CSMD3: variants seen among roughly 807,000 people sequenced by gnomAD.
The protein encoded by CSMD3 is CUB and Sushi multiple domains 3.
A neutral mutation model predicts 435.2 loss-of-function variants in CSMD3; 177 were observed. The ratio of observed to expected loss-of-function variants is 0.41; its 90% CI spans 0.36 to 0.46. CSMD3 has a LOEUF of 0.46. Ranked by LOEUF, CSMD3 falls within the 20% of genes least tolerant of loss-of-function variation. The probability of loss-of-function intolerance (pLI) is 0.34; values close to 1 mark genes in which losing one functional copy is unlikely to be tolerated. For synonymous variants in CSMD3, 1,656 were observed against 1,520.5 expected (o/e 1.09, Z -2.07); for missense variants, 4,265 against 4,504.6 (o/e 0.95, Z 1.52).
chr8:113,013,192 AT>A (rs2131138031), intron 6 of CSMD3, among the ~76,000 whole-genome samples: 1 of 152,192 alleles, frequency 6.6e-6, no homozygotes, highest in Admixed American at 6.6e-5. Context: ...AAACTAGCCT[AT>A]TTTAAAAATC....
chr8:112,420,941 C>T (rs1180493728), intron 32 of CSMD3, among the ~76,000 whole-genome samples: 2 of 152,162 alleles, frequency 1.3e-5, no homozygotes, highest in East Asian at 3.9e-4. Flanking sequence ...GCCTCCTACG[C>T]ACACTCTGCC....
intron 69 of CSMD3, 124 bp from the exon 70 acceptor site, chr8:112,229,015 A>T (rs2129845215): frequency 3.1e-6 from 2 of 644,160 alleles, no homozygotes; most frequent in East Asian, 5.5e-5. Context: ...AGTAAACAAA[A>T]ATAATTCATG....
intron 3 of CSMD3, among the ~76,000 whole-genome samples, chr8:113,241,669 T>C (rs750509474): frequency 2.0e-5 from 3 of 151,608 alleles, no homozygotes; most frequent in Non-Finnish European, 2.9e-5. Flanking sequence ...GGAAGTATAG[T>C]TTTTCAGAAA....
At chr8:113,246,541 A>G (rs1178959046) in intron 3 of CSMD3, among the ~76,000 whole-genome samples, 2 of 152,102 alleles carry the variant, frequency 1.3e-5, no homozygotes, top group Non-Finnish European at 2.9e-5. Context: ...AAACTTATTT[A>G]AAGTCTTTGT....
In CSMD3 at chr8:113,153,123, AAG is replaced by A. The variant is rs1278521154; in HGVS notation, c.709+20597_709+20598del. Among the ~76,000 whole-genome samples the A allele has an allele frequency of 2.9e-3, 254 of 88,394 alleles. 1 individual carries two copies. The highest frequency in any genetic ancestry group is 7.9e-3 in the African/African-American group (149 of 18,848). 58.0% of individuals were successfully genotyped at this position (88,394 alleles called of 152,430 possible). ...AAGAAAAGAAAGAAAGAAAGAAAGA[AAG>A]AGAAAGAAGGAAGGAAGGAAGGAAG... On this transcript the variant is annotated intron_variant, in intron 4 of 70. Coordinates refer to ENST00000297405, the MANE Select transcript of CSMD3 (RefSeq NM_198123.2).
intron 24 of CSMD3, among the ~76,000 whole-genome samples, chr8:112,560,349 T>G (rs1478128050): frequency 6.6e-6 from 1 of 151,762 alleles, no homozygotes; most frequent in Non-Finnish European, 1.5e-5. Context: ...ATAGCTGAAA[T>G]TCTTTCCTTT....
intron 5 of CSMD3, among the ~76,000 whole-genome samples, chr8:113,091,869 G>A (rs905804655): frequency 1.3e-5 from 2 of 151,780 alleles, no homozygotes; most frequent in Non-Finnish European, 2.9e-5. Context: ...GATGCATCAT[G>A]GGTGTTTTAT....
chr8:112,268,514 A>C (rs980823256), intron 59 of CSMD3, among the ~76,000 whole-genome samples: 2 of 152,180 alleles, frequency 1.3e-5, no homozygotes, highest in Non-Finnish European at 2.9e-5. Context: ...TACTTTTTTC[A>C]CAGGATTCAC....
At chr8:113,401,844 A>T (rs1021907942) in intron 1 of CSMD3, among the ~76,000 whole-genome samples, 1 of 151,546 alleles carries the variant, frequency 6.6e-6, no homozygotes, top group African/African-American at 2.4e-5. Context: ...ATGTGTTACA[A>T]TTGCCTGTAG....
rs998598831 is a variant in CSMD3 at position 112,980,774 on chromosome 8, C to T, written c.1031-4626G>A. Among the ~76,000 whole-genome samples, 6 of 151,484 alleles carry T rather than the reference C, an allele frequency of 4.0e-5. No individual in the cohort carries two copies. In the South Asian group the frequency reaches 6.2e-4, roughly 16 times the overall value. On this transcript the variant is annotated intron_variant, in intron 6 of 70. Coordinates refer to ENST00000297405, the MANE Select transcript of CSMD3 (RefSeq NM_198123.2). ...TTTTAAAAATTTCGTTTTCATTAAG[C>T]GTATGCTAGTTGCGAAAATAATTGA...
intron 5 of CSMD3, among the ~76,000 whole-genome samples, chr8:113,058,931 A>G (rs1171168302): frequency 2.6e-5 from 4 of 152,256 alleles, no homozygotes; most frequent in African/African-American, 2.4e-5. Context: ...CAACAAATTA[A>G]CTATAATTAT....
chr8:113,146,771 G>A (rs1180851921), intron 4 of CSMD3, among the ~76,000 whole-genome samples: 1 of 151,536 alleles, frequency 6.6e-6, no homozygotes, highest in African/African-American at 2.4e-5. Flanking sequence ...ACATATAGTG[G>A]TTTTTGGTAA....
chr8:112,251,309 A>G (rs1279092023), intron 63 of CSMD3, among the ~76,000 whole-genome samples: 1 of 151,802 alleles, frequency 6.6e-6, no homozygotes, highest in Non-Finnish European at 1.5e-5. Context: ...CTAATAAAAG[A>G]TATATGTAAA....
chr8:113,116,234 G>A (rs766164277), intron 4 of CSMD3, among the ~76,000 whole-genome samples: 2 of 152,124 alleles, frequency 1.3e-5, no homozygotes, highest in Non-Finnish European at 2.9e-5. Flanking sequence ...CATGTCATGA[G>A]AAGGACCTGG....
chr8:113,329,115 A>T (rs1281317022), intron 1 of CSMD3, among the ~76,000 whole-genome samples: 9 of 151,844 alleles, frequency 5.9e-5, no homozygotes, highest in Admixed American at 5.9e-4. Context: ...TTTTAAAAAT[A>T]AGTGGTTAGA....
At position 112,281,169 on chromosome 8, in the gene CSMD3, C is replaced by G. The variant is rs374647575; in HGVS notation, c.9508+5G>C. On this transcript the variant is annotated splice_donor_5th_base_variant and intron_variant, in intron 59 of 70. Coordinates refer to ENST00000297405, the MANE Select transcript of CSMD3 (RefSeq NM_198123.2). ...CTGATTTTTAAATATTGAGAATATA[C>G]TTACTTGTACAGTTAGGTAAAGTTC... 4 of 1,599,378 alleles carry G rather than the reference C, an allele frequency of 2.5e-6. No homozygotes were observed. In the Admixed American group the frequency reaches 5.0e-5, roughly 20 times the overall value.
At position 112,987,773 on chromosome 8, in the gene CSMD3, G is replaced by A. The variant is rs145924644; in HGVS notation, c.1031-11625C>T. The stretch of plus-strand genomic sequence containing the variant: ...TTTTCCATCACCTCCTTTCTCAACA[G>A]AGGCCTGATTGCCTCCAGGTCCTCC... On this transcript the variant is annotated intron_variant, in intron 6 of 70. Coordinates refer to ENST00000297405, the MANE Select transcript of CSMD3 (RefSeq NM_198123.2). Among the ~76,000 whole-genome samples, 45 of 152,114 alleles carry A rather than the reference G, an allele frequency of 3.0e-4. 1 individual carries two copies. In the East Asian group the frequency reaches 8.3e-3, roughly 28 times the overall value.
intron 3 of CSMD3, among the ~76,000 whole-genome samples, chr8:113,250,428 C>A (rs1043226475): frequency 1.3e-5 from 2 of 152,100 alleles, no homozygotes; most frequent in African/African-American, 4.8e-5. Flanking sequence ...TAATTTCACA[C>A]TAAGCAGACC....
Position 112,400,924 on chromosome 8 carries a change from G to C in CSMD3, c.5809+5600C>G, listed in dbSNP as rs1164588303. Among the ~76,000 whole-genome samples the C allele has an allele frequency of 3.9e-5, 6 of 152,108 alleles. No homozygotes were observed. In the South Asian group the frequency reaches 8.3e-4, roughly 21 times the overall value. On this transcript the variant is annotated intron_variant, in intron 35 of 70. Transcript: ENST00000297405. ...TTAATGGTTTAAAATTTATAGTCTT[G>C]GGCCAGGCCCGGTGGCTCACACCTG...
Sources: gnomAD v4.1 joint callset for allele counts (sites outside exome capture counted in the v4.1 genomes callset) on GRCh38, gnomAD v4.1.1 for gene constraint, MANE v1.5 for transcripts, NCBI Gene and HGNC (gene_info 2026-07-23, HGNC 2026-07-21) for gene names.